RBM25: variants seen among roughly 807,000 people sequenced by gnomAD.
RBM25 encodes the protein RNA-binding protein 25.
In RBM25, 19 loss-of-function variants were observed where a neutral mutation model predicts 120.7. The ratio of observed to expected loss-of-function variants is 0.16; its 90% CI spans 0.11 to 0.23. The LOEUF (loss-of-function observed/expected upper bound fraction) is 0.23. RBM25 is among the 10% of genes least tolerant of loss of function. RBM25 has a pLI of 1.00. For synonymous variants in RBM25, 390 were observed against 326.7 expected, an observed-to-expected ratio of 1.19 and a Z score of -2.09; for missense variants, 605 against 1,041.5, an observed-to-expected ratio of 0.58 and a Z score of 5.77.
At chr14:73,070,322 G>T (rs571938980) in intron 1 of RBM25, among the ~76,000 whole-genome samples, 1 of 152,172 alleles carries the variant, frequency 6.6e-6, no homozygotes, top group Admixed American at 6.6e-5. Flanking sequence ...CTCCCAAAGT[G>T]TTGGGATTAC....
At chr14:73,082,341 G>A (rs1244102811) in intron 4 of RBM25, among the ~76,000 whole-genome samples, 1 of 151,940 alleles carries the variant, frequency 6.6e-6, no homozygotes, top group Admixed American at 6.6e-5. Context: ...GCTCAGACTG[G>A]AGCATAGTGG....
At chr14:73,083,860 T>C (rs1280255210) in intron 5 of RBM25, among the ~76,000 whole-genome samples, 1 of 151,970 alleles carries the variant, frequency 6.6e-6, no homozygotes, top group Non-Finnish European at 1.5e-5. Flanking sequence ...AATGGAACAA[T>C]TAGTAAGGGA....
intron 4 of RBM25, among the ~76,000 whole-genome samples, chr14:73,082,843 C>T (rs939112409): frequency 2.6e-5 from 4 of 151,128 alleles, no homozygotes; most frequent in African/African-American, 9.7e-5. Context: ...GGGCAGATCA[C>T]GAGGTCAGGA....
chr14:73,099,698 A>G lies in RBM25; in HGVS notation c.815A>G (p.Asp272Gly). The G allele has an allele frequency of 6.2e-7, 1 of 1,607,158 alleles. No homozygotes were observed. Among genetic ancestry groups the G allele is most frequent in the East Asian group, 2.2e-5 (1 of 44,748 alleles). The change falls in exon 9 of 19, where the codon GAC becomes GGC. Residue 272 changes from aspartate (D) to glycine (G), a missense_variant. Coordinates refer to ENST00000261973, the MANE Select transcript of RBM25 (RefSeq NM_021239.3). ...EDINAIEMEE[D>G]KRDLISREIS... ...ATAAATGCTATAGAAATGGAAGAAGACAAAAGAGACCTGATATCTCGAGAG... is the reference window on the plus strand; with the variant it reads ...ATAAATGCTATAGAAATGGAAGAAGGCAAAAGAGACCTGATATCTCGAGAG...
At chr14:73,081,122 C>T (rs1277549428) in intron 4 of RBM25, among the ~76,000 whole-genome samples, 1 of 150,452 alleles carries the variant, frequency 6.6e-6, no homozygotes, top group East Asian at 2.0e-4. Context: ...ACTGCCTAGT[C>T]CATTTTCTTA....
chr14:73,060,407 T>A (rs1458404122), intron 1 of RBM25, among the ~76,000 whole-genome samples: 1 of 151,534 alleles, frequency 6.6e-6, no homozygotes, highest in East Asian at 1.9e-4. Context: ...AACAGGAATT[T>A]GGAATTTTCA....
chr14:73,074,020 G>A (rs905070833), intron 2 of RBM25, among the ~76,000 whole-genome samples: 2 of 152,172 alleles, frequency 1.3e-5, no homozygotes, highest in African/African-American at 4.8e-5. Context: ...TTGCTGAAAG[G>A]AAATTCTATT....
chr14:73,058,609 C>A lies in RBM25; in HGVS notation c.-112C>A. 1 of 152,194 alleles carries A rather than the reference C, an allele frequency of 6.6e-6. No individual in the cohort carries two copies. The highest frequency in any genetic ancestry group is 2.1e-4 in the South Asian group (1 of 4,824). 9.4% of individuals were successfully genotyped at this position (152,194 alleles called of 1,614,324 possible). A position where few individuals can be genotyped will look rare whatever the true frequency, so the allele number is the denominator to read the frequency against. ...AGTAGGCGCTTGGGCACTCAGTCTC[C>A]CTGGCGAGCGACGGGCAGAAATCTC... is the stretch of plus-strand genomic sequence containing the variant. On this transcript the variant is annotated 5_prime_UTR_variant, in exon 1 of 19. Coordinates refer to ENST00000261973, the MANE Select transcript of RBM25 (RefSeq NM_021239.3).
At chr14:73,117,524 C>T (rs1052105716) in intron 18 of RBM25, among the ~76,000 whole-genome samples, 2 of 152,082 alleles carry the variant, frequency 1.3e-5, no homozygotes, top group South Asian at 2.1e-4. Flanking sequence ...AGCCACTGTG[C>T]CCAGTCTCTT....
At chr14:73,092,390 C>T (rs1555345128) in intron 6 of RBM25, among the ~76,000 whole-genome samples, 1 of 151,884 alleles carries the variant, frequency 6.6e-6, no homozygotes. Flanking sequence ...ATTTAGAAAG[C>T]TGTTAAGTAG....
Position 73,099,447 on chromosome 14 carries a change from G to A in RBM25, c.783+14G>A, listed in dbSNP as rs1896017226. The A allele has an allele frequency of 4.4e-6, 7 of 1,607,934 alleles. No homozygotes were observed. The highest frequency in any genetic ancestry group is 5.9e-6 in the Non-Finnish European group (7 of 1,177,448). On this transcript the variant is annotated intron_variant, in intron 8 of 18. Transcript: ENST00000261973. ...CTCATCACTAAGGTTAGTTTAAATT[G>A]TAGGCTTTGACAATACCTGTGTTTA...
rs918754281 is a variant in RBM25, at chr14:73,120,008, A to C, written c.*203A>C. On this transcript the variant is annotated 3_prime_UTR_variant, in exon 19 of 19. Transcript: ENST00000261973. ...GTCATCTGAATCCTTGGTTCTCTTT[A>C]TACTCACCAGGTACAAATTACTGGT... The C allele has an allele frequency of 1.5e-5, 10 of 658,202 alleles. No individual in the cohort carries two copies. In the African/African-American group the frequency reaches 1.9e-4, roughly 13 times the overall value. 40.8% of individuals were successfully genotyped at this position (658,202 alleles called of 1,614,324 possible). A position where few individuals can be genotyped will look rare whatever the true frequency, so the allele number is the denominator to read the frequency against.
At chr14:73,090,325 A>G (rs764853770) in intron 6 of RBM25, among the ~76,000 whole-genome samples, 3 of 152,110 alleles carry the variant, frequency 2.0e-5, no homozygotes, top group Non-Finnish European at 4.4e-5. Flanking sequence ...TGCTGGGATT[A>G]CAGGCGTGAG....
Position 73,121,709 on chromosome 14 carries a change from A to G in RBM25, c.*1904A>G, listed in dbSNP as rs919188220. 1 of 152,190 alleles carries G rather than the reference A, an allele frequency of 6.6e-6. No individual in the cohort carries two copies. The highest frequency in any genetic ancestry group is 2.4e-5 in the African/African-American group (1 of 41,440). 9.4% of individuals were successfully genotyped at this position (152,190 alleles called of 1,614,324 possible). On this transcript the variant is annotated 3_prime_UTR_variant, in exon 19 of 19. Coordinates refer to ENST00000261973, the MANE Select transcript of RBM25 (RefSeq NM_021239.3). ...TGTTGTTTTTATTTAGCCACTATTA[A>G]CATGAAGGTTTATTCAGGTAGATTT...
At position 73,107,885 on chromosome 14, in the gene RBM25, C is replaced by T. The variant is rs773810341; in HGVS notation, c.1527C>T (p.Asp509=). The change falls in exon 13 of 19, where the codon GAC becomes GAT. Residue 509 remains aspartate (D), a synonymous_variant. Coordinates refer to ENST00000261973, the MANE Select transcript of RBM25 (RefSeq NM_021239.3). ...FLEDYDDDRD[D]PKYYRGSALQ... Reference sequence around the variant, plus strand: ...AAGACTATGATGATGATAGAGATGACCCCAAATATTACAGGTAAAGAAGGC... The same window carrying T: ...AAGACTATGATGATGATAGAGATGATCCCAAATATTACAGGTAAAGAAGGC... 3 of 1,594,774 alleles carry T rather than the reference C, an allele frequency of 1.9e-6. No individual in the cohort carries two copies. Among genetic ancestry groups the T allele is most frequent in the African/African-American group, 2.7e-5 (2 of 74,182 alleles).
intron 6 of RBM25, chr14:73,088,606 A>G (rs1895741399): frequency 3.0e-6 from 1 of 335,708 alleles, no homozygotes; most frequent in Non-Finnish European, 5.9e-6. Flanking sequence ...AGCTCTACTA[A>G]GTGAAGCTAA....
intron 1 of RBM25, among the ~76,000 whole-genome samples, chr14:73,062,865 G>C (rs1566578919): frequency 2.6e-5 from 4 of 151,240 alleles, no homozygotes. Context: ...CTGTCGCCCA[G>C]GCTTGAGTGC....
intron 12 of RBM25, among the ~76,000 whole-genome samples, chr14:73,107,042 T>C (rs1205332963): frequency 2.0e-5 from 3 of 152,124 alleles, no homozygotes; most frequent in South Asian, 4.1e-4. Flanking sequence ...AGTTTCACCA[T>C]GTTGGCCAGG....
At chr14:73,084,369 A>G (rs1455768133) in intron 5 of RBM25, among the ~76,000 whole-genome samples, 1 of 151,998 alleles carries the variant, frequency 6.6e-6, no homozygotes, top group Admixed American at 6.6e-5. Flanking sequence ...TTCTATTTCT[A>G]ATTTTCCTTG....
Sources: gnomAD v4.1 joint callset for allele counts (sites outside exome capture counted in the v4.1 genomes callset) on GRCh38, gnomAD v4.1.1 for gene constraint, MANE v1.5 for transcripts, NCBI Gene and HGNC (gene_info 2026-07-23, HGNC 2026-07-21) for gene names.